The following CSMD1 variants were observed in gnomAD, a reference collection of about 807,000 sequenced individuals.
CSMD1 encodes CUB and sushi domain-containing protein 1.
A neutral mutation model predicts 417.5 loss-of-function variants in CSMD1; 213 were observed. That is an observed-to-expected ratio of 0.51 (90% CI 0.46 to 0.57). CSMD1 has a LOEUF of 0.57. Ranked by LOEUF, CSMD1 falls within the 20% of genes least tolerant of loss-of-function variation. The probability of loss-of-function intolerance (pLI) is 0.00; values close to 1 mark genes in which losing one functional copy is unlikely to be tolerated. For synonymous variants in CSMD1, 2,862 were observed against 1,736.8 expected (o/e 1.65, Z -16.11); for missense variants, 6,923 against 4,529.7 (o/e 1.53, Z -15.17).
chr8:3,817,283 T>C (rs1801438004), intron 5 of CSMD1, among the ~76,000 whole-genome samples: 1 of 80,358 alleles, frequency 1.2e-5, no homozygotes, highest in Admixed American at 1.2e-4. Flanking sequence ...TTTTTTTTTT[T>C]TTTTTTTTTT....
chr8:4,256,707 T>TG (rs146258594), intron 3 of CSMD1, among the ~76,000 whole-genome samples: 13,404 of 151,802 alleles, frequency 0.088, 746 homozygotes, highest in East Asian at 0.17. Flanking sequence ...GGGCGTGGTG[T>TG]GGGGGAAGGA....
rs548945478 is a variant in CSMD1 at position 3,480,423 on chromosome 8, C to G, written c.1449-11599G>C. On this transcript the variant is annotated intron_variant, in intron 11 of 69. Transcript: ENST00000635120. ...AGCTTCAGAGGCCTGTGGGACAAAA[C>G]AAAACAAAACAAATACACATAGAAA... Among the ~76,000 whole-genome samples the G allele has an allele frequency of 3.8e-4, 58 of 152,108 alleles. 1 individual carries two copies. Among genetic ancestry groups the G allele is most frequent in the African/African-American group, 1.4e-3 (57 of 41,538 alleles).
chr8:4,062,150 C>G (rs2554707), intron 3 of CSMD1, among the ~76,000 whole-genome samples: 65,929 of 151,718 alleles, frequency 0.43, 14,846 homozygotes, highest in South Asian at 0.58. Flanking sequence ...ATGATATGCA[C>G]TGATACCAGA....
In CSMD1 at chr8:4,585,457, T is replaced by A. The variant is rs535501440; in HGVS notation, c.302+51885A>T. On this transcript the variant is annotated intron_variant, in intron 2 of 69. Coordinates refer to ENST00000635120, the MANE Select transcript of CSMD1 (RefSeq NM_033225.6). ...CGTGGAATATGGGCAAAATAATAAA[T>A]AACATTTCCTCATAAGGAGAAAAAA... 3.9e-5 allele frequency among the ~76,000 whole-genome samples: 6 copies of A among 152,060 alleles called. No individual in the cohort carries two copies. The South Asian group carries it at 1.2e-3, about 31-fold the overall frequency.
At chr8:3,854,803 G>A (rs1243341113) in intron 5 of CSMD1, among the ~76,000 whole-genome samples, 2 of 152,036 alleles carry the variant, frequency 1.3e-5, no homozygotes, top group Non-Finnish European at 2.9e-5. Flanking sequence ...ATATCGAGCT[G>A]TTGATTATAA....
intron 26 of CSMD1, among the ~76,000 whole-genome samples, chr8:3,251,392 C>T (rs1167863473): frequency 6.6e-6 from 1 of 152,098 alleles, no homozygotes; most frequent in Non-Finnish European, 1.5e-5. Flanking sequence ...GGCATTATTT[C>T]TGAGGGCTCT....
intron 1 of CSMD1, among the ~76,000 whole-genome samples, chr8:4,791,220 G>A (rs28521548): frequency 0.43 from 66,114 of 152,134 alleles, 15,582 homozygotes; most frequent in East Asian, 0.55. Context: ...GGAAGAAGCA[G>A]AGGCAGAAGG....
chr8:4,764,872 C>CAAAAAAACAAAAACA (rs1812341334), intron 1 of CSMD1, among the ~76,000 whole-genome samples: 2 of 50,948 alleles, frequency 3.9e-5, no homozygotes, highest in African/African-American at 1.6e-4. Flanking sequence ...GACTCCATCT[C>CAAAAAAACAAAAACA]AAAAAAAAAA....
chr8:4,886,886 A>C (rs1803780586), intron 1 of CSMD1, among the ~76,000 whole-genome samples: 1 of 152,042 alleles, frequency 6.6e-6, no homozygotes, highest in South Asian at 2.1e-4. Flanking sequence ...TGGAAAGTCT[A>C]TTTAAGACTT....
chr8:4,009,239 A>G (rs1246487470), intron 4 of CSMD1, among the ~76,000 whole-genome samples: 6 of 152,148 alleles, frequency 3.9e-5, no homozygotes, highest in African/African-American at 1.4e-4. Flanking sequence ...ACTGATTTCT[A>G]TTTCCTCCCA....
chr8:3,030,452 T>C lies in CSMD1; in HGVS notation c.7661-939A>G, dbSNP rs554385158. Reference sequence around the variant, plus strand: ...GAGACTATAGCTATTTTCAGAATCATAGTGTTATATTTTAAATTCTTTTTT... The same window carrying C: ...GAGACTATAGCTATTTTCAGAATCACAGTGTTATATTTTAAATTCTTTTTT... On this transcript the variant is annotated intron_variant, in intron 50 of 69. Coordinates refer to ENST00000635120, the MANE Select transcript of CSMD1 (RefSeq NM_033225.6). Among the ~76,000 whole-genome samples, 15 of 152,004 alleles carry C rather than the reference T, an allele frequency of 9.9e-5. No homozygotes were observed. In the East Asian group the frequency reaches 1.7e-3, roughly 18 times the overall value.
At chr8:4,161,258 T>G (rs1201432801) in intron 3 of CSMD1, among the ~76,000 whole-genome samples, 1 of 152,200 alleles carries the variant, frequency 6.6e-6, no homozygotes, top group Non-Finnish European at 1.5e-5. Context: ...CATTTACATG[T>G]GAGCCTTAGA....
rs1181602554 is a variant in CSMD1 at position 3,199,768 on chromosome 8, G to T, written c.5140C>A (p.Arg1714=). The T allele has an allele frequency of 1.3e-6, 2 of 1,586,292 alleles. No homozygotes were observed. The highest frequency in any genetic ancestry group is 1.8e-5 in the Admixed American group (1 of 56,012). ...PLATSNQILL[R]FSAKSGASAR... The stretch of plus-strand genomic sequence containing the variant: ...GAGGCACCGCTCTTTGCACTGAATC[G>T]GAGCAGAATTTGATTTGACGTAGCC... The change falls in exon 33 of 70, where the codon CGA becomes AGA. Residue 1714 remains arginine (R), a synonymous_variant. Transcript: ENST00000635120.
At chr8:3,924,360 C>A (rs1809489954) in intron 5 of CSMD1, among the ~76,000 whole-genome samples, 1 of 152,266 alleles carries the variant, frequency 6.6e-6, no homozygotes, top group South Asian at 2.1e-4. Context: ...TCACTAAAAG[C>A]TCAAGCTGCA....
chr8:4,284,470 GCTTT>G (rs1347894098), intron 3 of CSMD1, among the ~76,000 whole-genome samples: 2 of 148,940 alleles, frequency 1.3e-5, no homozygotes, highest in East Asian at 2.0e-4. Flanking sequence ...TCACCATGTG[GCTTT>G]CTGTTTCCAC....
chr8:4,183,527 T>C (rs1045020107), intron 3 of CSMD1, among the ~76,000 whole-genome samples: 1 of 152,198 alleles, frequency 6.6e-6, no homozygotes, highest in African/African-American at 2.4e-5. Flanking sequence ...ACATTACTGG[T>C]TTATTTGTAA....
chr8:4,404,366 T>A (rs1242219954), intron 3 of CSMD1, among the ~76,000 whole-genome samples: 1 of 152,210 alleles, frequency 6.6e-6, no homozygotes, highest in African/African-American at 2.4e-5. Flanking sequence ...AGGGATTTTG[T>A]GCTGTTTTGT....
chr8:3,014,928 A>G (rs1808710680), intron 52 of CSMD1, among the ~76,000 whole-genome samples: 2 of 152,180 alleles, frequency 1.3e-5, no homozygotes, highest in African/African-American at 4.8e-5. Context: ...ACATAATTAA[A>G]TAAATAAATA....
At chr8:4,595,768 T>C (rs1306182847) in intron 2 of CSMD1, among the ~76,000 whole-genome samples, 4 of 152,176 alleles carry the variant, frequency 2.6e-5, no homozygotes, top group Admixed American at 2.6e-4. Context: ...GCCATTCTTA[T>C]CTCATTTCTC....
Sources: gnomAD v4.1 joint callset for allele counts (sites outside exome capture counted in the v4.1 genomes callset) on GRCh38, gnomAD v4.1.1 for gene constraint, MANE v1.5 for transcripts, NCBI Gene and HGNC (gene_info 2026-07-23, HGNC 2026-07-21) for gene names.